The following CNTN5 variants were observed in gnomAD, a reference collection of about 807,000 sequenced individuals.
CNTN5 encodes contactin-5.
A neutral mutation model predicts 129.1 loss-of-function variants in CNTN5; 77 were observed. That is an observed-to-expected ratio of 0.60 (90% CI 0.50 to 0.72). The LOEUF is 0.72. Among genes scored for constraint, CNTN5 ranks in the 30% least tolerant of loss-of-function variants. The pLI, the probability that CNTN5 is intolerant of heterozygous loss-of-function variation, is 0.00. For synonymous variants in CNTN5, 509 were observed against 465.6 expected (o/e 1.09, Z -1.20); for missense variants, 1,478 against 1,328.8 (o/e 1.11, Z -1.75).
intron 6 of CNTN5, among the ~76,000 whole-genome samples, chr11:99,874,374 A>C: frequency 6.6e-6 from 1 of 152,148 alleles, no homozygotes; most frequent in East Asian, 1.9e-4. Context: ...TTAGAGCTCA[A>C]CATGTTGCCA....
chr11:99,325,858 A>G (rs1489931666), intron 2 of CNTN5, among the ~76,000 whole-genome samples: 1 of 152,184 alleles, frequency 6.6e-6, no homozygotes, highest in Non-Finnish European at 1.5e-5. Context: ...CTCAACCGAC[A>G]TATAATGTGC....
intron 1 of CNTN5, among the ~76,000 whole-genome samples, chr11:99,150,755 T>C (rs1860013578): frequency 6.6e-6 from 1 of 152,054 alleles, no homozygotes; most frequent in Non-Finnish European, 1.5e-5. Flanking sequence ...GGATAGTGCT[T>C]TACCTTAAAT....
chr11:99,685,785 T>A (rs1953764384), intron 3 of CNTN5, among the ~76,000 whole-genome samples: 1 of 152,014 alleles, frequency 6.6e-6, no homozygotes, highest in African/African-American at 2.4e-5. Flanking sequence ...TTAATATATT[T>A]TCTGTTTAAT....
chr11:99,460,349 T>C (rs966036757), intron 2 of CNTN5, among the ~76,000 whole-genome samples: 2 of 151,762 alleles, frequency 1.3e-5, no homozygotes, highest in South Asian at 2.1e-4. Context: ...AGATACATTG[T>C]AGTAGAAAGC....
At chr11:99,173,003 A>G (rs914535733) in intron 1 of CNTN5, among the ~76,000 whole-genome samples, 47 of 152,334 alleles carry the variant, frequency 3.1e-4, no homozygotes, top group African/African-American at 1.1e-3. Context: ...CGCAAGTCAC[A>G]TCTTATGTGG....
chr11:99,505,015 A>G (rs1402350009), intron 2 of CNTN5, among the ~76,000 whole-genome samples: 1 of 152,208 alleles, frequency 6.6e-6, no homozygotes, highest in African/African-American at 2.4e-5. Flanking sequence ...TTCTTAAGTC[A>G]GATCCTTTTT....
chr11:99,866,333 AT>A (rs944313858), intron 6 of CNTN5, among the ~76,000 whole-genome samples: 19 of 152,002 alleles, frequency 1.2e-4, no homozygotes, highest in East Asian at 3.9e-4. Flanking sequence ...GGTATTTAGT[AT>A]TTTTTTTCCA....
intron 21 of CNTN5, among the ~76,000 whole-genome samples, chr11:100,332,297 G>A (rs938054012): frequency 1.3e-5 from 2 of 151,690 alleles, no homozygotes; most frequent in Admixed American, 6.6e-5. Flanking sequence ...AATATAGAAC[G>A]TCTGAACAGA....
chr11:99,067,768 T>G (rs1347805555), intron 1 of CNTN5, among the ~76,000 whole-genome samples: 1 of 152,178 alleles, frequency 6.6e-6, no homozygotes, highest in Non-Finnish European at 1.5e-5. Flanking sequence ...AGCTCTAATA[T>G]TCTATGACTC....
chr11:99,731,836 T>C (rs1321045327), intron 3 of CNTN5, among the ~76,000 whole-genome samples: 3 of 152,148 alleles, frequency 2.0e-5, no homozygotes, highest in Non-Finnish European at 4.4e-5. Flanking sequence ...ACCACATCAC[T>C]TCTCCCACAT....
intron 8 of CNTN5, among the ~76,000 whole-genome samples, chr11:100,001,277 A>T (rs181335972): frequency 6.6e-6 from 1 of 152,268 alleles, no homozygotes; most frequent in Admixed American, 6.5e-5. Flanking sequence ...GGAAACTGCC[A>T]CTTTTAAAAC....
intron 1 of CNTN5, among the ~76,000 whole-genome samples, chr11:99,195,914 G>T (rs958915464): frequency 2.6e-5 from 4 of 151,846 alleles, no homozygotes; most frequent in Non-Finnish European, 5.9e-5. Flanking sequence ...TCTGTCTACA[G>T]AATTCCAAAG....
At chr11:99,587,147 G>T (rs141406454) in intron 3 of CNTN5, among the ~76,000 whole-genome samples, 1 of 152,274 alleles carries the variant, frequency 6.6e-6, no homozygotes, top group East Asian at 1.9e-4. Context: ...GAGCAACTCA[G>T]AAATGAAGAG....
At chr11:100,234,373 TG>T (rs1819935199) in intron 16 of CNTN5, among the ~76,000 whole-genome samples, 1 of 152,128 alleles carries the variant, frequency 6.6e-6, no homozygotes, top group Admixed American at 6.5e-5. Context: ...TAGTCACAAT[TG>T]CAAAGACTTG....
chr11:99,614,109 A>G (rs561672082), intron 3 of CNTN5, among the ~76,000 whole-genome samples: 2 of 152,346 alleles, frequency 1.3e-5, no homozygotes, highest in South Asian at 4.1e-4. Context: ...TGAAAGTGGA[A>G]GAATTTAGGC....
chr11:99,336,148 T>C (rs946331910), intron 2 of CNTN5, among the ~76,000 whole-genome samples: 4 of 152,212 alleles, frequency 2.6e-5, no homozygotes, highest in African/African-American at 7.2e-5. Context: ...TTATTTTAAC[T>C]AGTCCCTCTA....
Position 99,956,807 on chromosome 11 carries a change from G to A in CNTN5, c.675G>A (p.Glu225=), listed in dbSNP as rs1158063399. The part of the protein sequence containing the change: ...LMCSPPPHSP[E]IIYSWVFNEF... ...TGACCAAATTTTGTGTATTTTCAGA[G>A]ATCATCTATAGCTGGGTATTTAATG... The change falls in exon 8 of 25, where the codon GAG becomes GAA. Residue 225 remains glutamate, a splice_region_variant and synonymous_variant. Coordinates refer to ENST00000524871, the MANE Select transcript of CNTN5 (RefSeq NM_014361.4). 3.1e-6 allele frequency: 5 copies of A among 1,613,004 alleles called. No homozygotes were observed. The highest frequency in any genetic ancestry group is 3.4e-6 in the Non-Finnish European group (4 of 1,179,416).
chr11:100,332,917 C>T (rs1951935447), intron 21 of CNTN5, among the ~76,000 whole-genome samples: 1 of 152,130 alleles, frequency 6.6e-6, no homozygotes, highest in Admixed American at 6.6e-5. Flanking sequence ...CACTTCTATT[C>T]AGCATAGTAC....
At chr11:99,766,928 G>T (rs1473389120) in intron 3 of CNTN5, among the ~76,000 whole-genome samples, 1 of 151,938 alleles carries the variant, frequency 6.6e-6, no homozygotes, top group Non-Finnish European at 1.5e-5. Flanking sequence ...GTTGTGTTTT[G>T]GCATCCTTCT....
Sources: allele counts gnomAD v4.1 joint callset (sites outside exome capture counted in the v4.1 genomes callset), GRCh38; gene constraint gnomAD v4.1.1; transcripts MANE v1.5; gene names NCBI Gene and HGNC (gene_info 2026-07-23, HGNC 2026-07-21).